MS4A14: variants seen among roughly 807,000 people sequenced by gnomAD.
MS4A14 encodes membrane spanning 4-domains A14, also known as membrane-spanning 4-domains subfamily A member 14.
A neutral mutation model predicts 16.7 loss-of-function variants in MS4A14; 18 were observed. The ratio of observed to expected loss-of-function variants is 1.08; its 90% CI spans 0.75 to 1.60. The LOEUF is 1.60. Ranked by LOEUF, MS4A14 falls within the 40% of genes most tolerant of loss-of-function variation. The probability of loss-of-function intolerance (pLI) is 0.00; values close to 1 mark genes in which losing one functional copy is unlikely to be tolerated. For synonymous variants in MS4A14, 305 were observed against 289.4 expected (o/e 1.05, Z -0.55); for missense variants, 812 against 775.3 (o/e 1.05, Z -0.56).
chr11:60,409,313 C>T (rs934388722), intron 4 of MS4A14, among the ~76,000 whole-genome samples: 1 of 152,036 alleles, frequency 6.6e-6, no homozygotes. Flanking sequence ...CTTCCCGGTC[C>T]TCCCATCCTC....
At chr11:60,405,374 C>T (rs1264703032) in intron 4 of MS4A14, among the ~76,000 whole-genome samples, 3 of 152,142 alleles carry the variant, frequency 2.0e-5, no homozygotes, top group Admixed American at 1.3e-4. Flanking sequence ...CCACCGCGCC[C>T]GGCCAACCTT....
intron 4 of MS4A14, chr11:60,404,638 A>C (rs1328233266): frequency 2.2e-6 from 1 of 454,782 alleles, no homozygotes; most frequent in Admixed American, 2.4e-5. Context: ...TCAGAGGATC[A>C]GCTTCTTCCG....
Position 60,416,203 on chromosome 11 carries a change from C to A in MS4A14, c.1235C>A (p.Ala412Glu), listed in dbSNP as rs768485346. 6.2e-7 allele frequency: 1 copy of A among 1,613,684 alleles called. No individual in the cohort carries two copies. The highest frequency in any genetic ancestry group is 1.3e-5 in the African/African-American group (1 of 74,878). ...SQDMLSQALS[A>E]HAILPEASTS... The stretch of plus-strand genomic sequence containing the variant: ...GATATGCTATCCCAAGCTCTATCAG[C>A]GCATGCCATATTACCTGAAGCCTCA... Residue 412 changes from alanine (A) to glutamate (E), a missense_variant, in exon 5 of 5, where the codon GCG becomes GAG. Transcript: ENST00000300187.
At position 60,415,924 on chromosome 11, in the gene MS4A14, A is replaced by T; in HGVS notation, c.956A>T (p.Asp319Val). The change falls in exon 5 of 5, where the codon GAC becomes GTC. Residue 319 changes from aspartate to valine, a missense_variant. Physicochemically the swap from Asp to Val is radical, Grantham distance 152 (BLOSUM62 -3). Transcript: ENST00000300187. ...ALKLEDISPE[D>V]LPSQALPVEG... is the part of the protein sequence containing the mutation. Reference sequence around the variant, plus strand: ...AAACTCGAAGATATATCACCTGAAGACTTGCCATCCCAAGCTCTACCAGTA... The same window carrying T: ...AAACTCGAAGATATATCACCTGAAGTCTTGCCATCCCAAGCTCTACCAGTA... 6.2e-7 allele frequency: 1 copy of T among 1,613,970 alleles called. No homozygotes were observed. The highest frequency in any genetic ancestry group is 8.5e-7 in the Non-Finnish European group (1 of 1,179,928).
intron 3 of MS4A14, among the ~76,000 whole-genome samples, chr11:60,401,240 G>C (rs1401164666): frequency 6.6e-6 from 1 of 152,182 alleles, no homozygotes; most frequent in Non-Finnish European, 1.5e-5. Flanking sequence ...GGGGATGTGG[G>C]CCTCTCTGAA....
intron 2 of MS4A14, among the ~76,000 whole-genome samples, chr11:60,399,850 G>T (rs1210372743): frequency 6.6e-6 from 1 of 152,028 alleles, no homozygotes; most frequent in African/African-American, 2.4e-5. Flanking sequence ...ATGTCCCCAA[G>T]GTCCAAGGCC....
At chr11:60,404,431 C>G in intron 4 of MS4A14, 6 of 413,274 alleles carry the variant, frequency 1.5e-5, no homozygotes, top group Non-Finnish European at 2.4e-5. Flanking sequence ...AAATGTAAAT[C>G]TGAGCCATTA....
At chr11:60,410,818 C>T (rs937852864) in intron 4 of MS4A14, among the ~76,000 whole-genome samples, 1 of 124,700 alleles carries the variant, frequency 8.0e-6, no homozygotes, top group South Asian at 2.8e-4. Flanking sequence ...ATGCCAGGTA[C>T]CATATTTTTT....
In MS4A14 at chr11:60,417,509, G is replaced by C. The variant is rs1470668678; in HGVS notation, c.*501G>C. The stretch of plus-strand genomic sequence containing the variant: ...ATCTGAAGACTCTGACTAACATGCA[G>C]AATCTACCCAATACCACACTGCCCC... On this transcript the variant is annotated 3_prime_UTR_variant, in exon 5 of 5. Transcript: ENST00000300187. The C allele has an allele frequency of 6.5e-6, 1 of 153,442 alleles. No individual in the cohort carries two copies. Among genetic ancestry groups the C allele is most frequent in the Admixed American group, 6.5e-5 (1 of 15,480 alleles). 9.5% of individuals were successfully genotyped at this position (153,442 alleles called of 1,614,324 possible).
Position 60,396,590 on chromosome 11 carries a change from A to G in MS4A14, c.12A>G (p.Thr4=). Residue 4 remains threonine, a synonymous_variant, in exon 1 of 5, where the codon ACA becomes ACG. Coordinates refer to ENST00000300187, the MANE Select transcript of MS4A14 (RefSeq NM_032597.5). ...TCTGCCATAGAATCATGGAGTCAACATCCCAGGACAGAAGGGCAACTCACG... is the reference window on the plus strand; with the variant it reads ...TCTGCCATAGAATCATGGAGTCAACGTCCCAGGACAGAAGGGCAACTCACG... MES[T]SQDRRATHVI... is the part of the protein sequence containing the mutation. 1 of 1,613,576 alleles carries G rather than the reference A, an allele frequency of 6.2e-7. No homozygotes were observed. Among genetic ancestry groups the G allele is most frequent in the Non-Finnish European group, 8.5e-7 (1 of 1,179,796 alleles).
chr11:60,405,332 G>T (rs2085771798), intron 4 of MS4A14, among the ~76,000 whole-genome samples: 1 of 152,152 alleles, frequency 6.6e-6, no homozygotes, highest in Non-Finnish European at 1.5e-5. Context: ...TCCTGCCTTG[G>T]CCTCCCAAAG....
At chr11:60,414,333 T>G (rs913945383) in intron 4 of MS4A14, among the ~76,000 whole-genome samples, 7 of 152,094 alleles carry the variant, frequency 4.6e-5, no homozygotes, top group Non-Finnish European at 1.0e-4. Flanking sequence ...AAAAACTAAT[T>G]AGAAGAATGG....
chr11:60,402,180 CA>C (rs2085724328), intron 3 of MS4A14, among the ~76,000 whole-genome samples: 1 of 151,442 alleles, frequency 6.6e-6, no homozygotes, highest in Admixed American at 6.6e-5. Context: ...CACCCCCCTC[CA>C]AAAAAATAAG....
rs767610117 is a variant in MS4A14 at position 60,415,508 on chromosome 11, A to G, written c.540A>G (p.Leu180=). ...CTGCCCCAGAAGAAAATGATCAATT[A>G]CAATTTGTGCTTCAAGAAGAGTTTT... ...EQPAPEENDQ[L]QFVLQEEFSS... The change falls in exon 5 of 5, where the codon TTA becomes TTG. Residue 180 remains leucine, a synonymous_variant. Coordinates refer to ENST00000300187, the MANE Select transcript of MS4A14 (RefSeq NM_032597.5). 1 of 1,613,648 alleles carries G rather than the reference A, an allele frequency of 6.2e-7. No homozygotes were observed. The highest frequency in any genetic ancestry group is 1.1e-5 in the South Asian group (1 of 91,036).
At position 60,415,579 on chromosome 11, in the gene MS4A14, G is replaced by A. The variant is rs1176230488; in HGVS notation, c.611G>A (p.Gly204Asp). ...TTNAQSVIFG[G>D]YAFFKLTLSR... ...AATGCACAATCTGTTATCTTTGGAG[G>A]CTATGCTTTCTTCAAGTTAACACTC... The change falls in exon 5 of 5, where the codon GGC becomes GAC. Residue 204 changes from glycine (G) to aspartate (D), a missense_variant. Physicochemically the swap from Gly to Asp is moderately conservative, Grantham distance 94. Coordinates refer to ENST00000300187, the MANE Select transcript of MS4A14 (RefSeq NM_032597.5). 5 of 1,613,760 alleles carry A rather than the reference G, an allele frequency of 3.1e-6. No homozygotes were observed. In the South Asian group the frequency reaches 4.4e-5, roughly 14 times the overall value.
chr11:60,416,743 A>G lies in MS4A14; in HGVS notation c.1775A>G (p.Asp592Gly), dbSNP rs1446895769. The change falls in exon 5 of 5, where the codon GAT becomes GGT. Residue 592 changes from aspartate (D) to glycine (G), a missense_variant. Physicochemically the swap from Asp to Gly is moderately conservative, Grantham distance 94. Transcript: ENST00000300187. ...GGACAAGTTAAAGACCAGCAGACTGATAAGGAGCAAAACTCAAAGAAGCAA... is the reference window on the plus strand; with the variant it reads ...GGACAAGTTAAAGACCAGCAGACTGGTAAGGAGCAAAACTCAAAGAAGCAA... ...KDGQVKDQQT[D>G]KEQNSKKQTQ... is the part of the protein sequence containing the mutation. 6.2e-6 allele frequency: 10 copies of G among 1,613,718 alleles called. No individual in the cohort carries two copies. The highest frequency in any genetic ancestry group is 8.5e-6 in the Non-Finnish European group (10 of 1,179,876).
rs7131283 is a variant in MS4A14, at chr11:60,415,497, A to T, written c.529A>T (p.Asn177Tyr). 0.67 allele frequency: 1,084,094 copies of T among 1,613,038 alleles called. 367,220 individuals carry two copies. The highest frequency in any genetic ancestry group is 0.74 in the Middle Eastern group (4,463 of 6,056). Reference protein sequence around the residue: ...QNSEQPAPEENDQLQFVLQEE... With the variant: ...QNSEQPAPEEYDQLQFVLQEE... ...TAGTGAACAACCTGCCCCAGAAGAA[A>T]ATGATCAATTACAATTTGTGCTTCA... The change falls in exon 5 of 5, where the codon AAT becomes TAT. Residue 177 changes from asparagine to tyrosine, a missense_variant. Physicochemically the swap from Asn to Tyr is moderately radical, Grantham distance 143. Coordinates refer to ENST00000300187, the MANE Select transcript of MS4A14 (RefSeq NM_032597.5).
intron 4 of MS4A14, among the ~76,000 whole-genome samples, chr11:60,403,962 A>G (rs1283889065): frequency 6.6e-6 from 1 of 152,230 alleles, no homozygotes; most frequent in African/African-American, 2.4e-5. Context: ...GGACTCTCTC[A>G]TGTGTTCTGA....
At chr11:60,413,896 A>G (rs1443657207) in intron 4 of MS4A14, among the ~76,000 whole-genome samples, 1 of 152,112 alleles carries the variant, frequency 6.6e-6, no homozygotes, top group East Asian at 1.9e-4. Context: ...AGAAGCATAG[A>G]TCAGAGAGGA....
Sources: allele counts gnomAD v4.1 joint callset (sites outside exome capture counted in the v4.1 genomes callset), GRCh38; gene constraint gnomAD v4.1.1; transcripts MANE v1.5; gene names NCBI Gene and HGNC (gene_info 2026-07-23, HGNC 2026-07-21).